Variants in CAB39 observed in about 807,000 individuals in gnomAD.
The protein encoded by CAB39 is calcium binding protein 39.
In CAB39, 8 loss-of-function variants were observed where a neutral mutation model predicts 40.0. The observed-to-expected ratio is 0.20, with a 90% CI of 0.12 to 0.36. CAB39 has a LOEUF of 0.36. CAB39 is among the 10% of genes least tolerant of loss of function. The pLI, the probability that CAB39 is intolerant of heterozygous loss-of-function variation, is 1.00. For synonymous variants in CAB39, 156 were observed against 141.6 expected, an observed-to-expected ratio of 1.10 and a Z score of -0.72; for missense variants, 270 against 401.1, an observed-to-expected ratio of 0.67 and a Z score of 2.79.
chr2:230,721,167 G>T (rs999166582), intron 1 of CAB39, among the ~76,000 whole-genome samples: 1 of 152,104 alleles, frequency 6.6e-6, no homozygotes, highest in Admixed American at 6.5e-5. Context: ...ATGGTGGCTC[G>T]TGCCTGTAAT....
intron 2 of CAB39, among the ~76,000 whole-genome samples, chr2:230,776,467 A>T (rs138386515): frequency 1.4e-3 from 211 of 152,318 alleles, no homozygotes; most frequent in African/African-American, 4.8e-3. Context: ...ATATAGCTCT[A>T]TGCAATTGCA....
At chr2:230,767,480 T>G (rs1389483232) in intron 2 of CAB39, among the ~76,000 whole-genome samples, 5 of 152,172 alleles carry the variant, frequency 3.3e-5, no homozygotes, top group Admixed American at 6.5e-5. Flanking sequence ...TTTCAAAACA[T>G]GAGTCAAATA....
intron 1 of CAB39, among the ~76,000 whole-genome samples, chr2:230,728,377 T>C (rs944358497): frequency 6.6e-6 from 1 of 152,018 alleles, no homozygotes; most frequent in African/African-American, 2.4e-5. Flanking sequence ...TTTTTTTTTT[T>C]CCTGCTCACT....
At chr2:230,798,411 G>A (rs982718480) in intron 4 of CAB39, among the ~76,000 whole-genome samples, 1 of 152,144 alleles carries the variant, frequency 6.6e-6, no homozygotes, top group African/African-American at 2.4e-5. Context: ...CCCCTGTATG[G>A]AGTGGTATGA....
chr2:230,766,902 T>C (rs1695394949), intron 2 of CAB39, among the ~76,000 whole-genome samples: 1 of 152,186 alleles, frequency 6.6e-6, no homozygotes. Flanking sequence ...CTAGAAAATG[T>C]AATTTTACAA....
chr2:230,792,645 A>G (rs922995867), intron 3 of CAB39, among the ~76,000 whole-genome samples: 16 of 152,218 alleles, frequency 1.1e-4, no homozygotes, highest in Admixed American at 1.0e-3. Flanking sequence ...GTATCATGTG[A>G]TACTTAGTAC....
intron 1 of CAB39, among the ~76,000 whole-genome samples, chr2:230,748,831 A>ACATATATATAT (rs1553669220): frequency 3.5e-5 from 1 of 28,512 alleles, no homozygotes; most frequent in Non-Finnish European, 6.3e-5. Flanking sequence ...AAAAAAAAAA[A>ACATATATATAT]ATATATATAT....
At chr2:230,744,234 A>G (rs544876932) in intron 1 of CAB39, among the ~76,000 whole-genome samples, 2 of 151,782 alleles carry the variant, frequency 1.3e-5, no homozygotes, top group East Asian at 3.9e-4. Flanking sequence ...ATACATTCTT[A>G]ACTTCGAAGA....
intron 1 of CAB39, among the ~76,000 whole-genome samples, chr2:230,735,230 A>G (rs1222855804): frequency 2.0e-5 from 3 of 151,958 alleles, no homozygotes; most frequent in Non-Finnish European, 4.4e-5. Context: ...GCAGTGGTGC[A>G]GTCTCGGCTC....
At chr2:230,788,405 A>AT (rs988282117) in intron 2 of CAB39, among the ~76,000 whole-genome samples, 3 of 152,012 alleles carry the variant, frequency 2.0e-5, no homozygotes, top group Non-Finnish European at 2.9e-5. Context: ...TTGTTGCCGT[A>AT]TTTTTTGTTC....
At chr2:230,770,599 GA>G (rs1194168472) in intron 2 of CAB39, among the ~76,000 whole-genome samples, 1 of 152,162 alleles carries the variant, frequency 6.6e-6, no homozygotes, top group African/African-American at 2.4e-5. Flanking sequence ...TGTGAGGTCA[GA>G]ATTATAATCA....
rs1408052300 is a variant in CAB39 at position 230,782,809 on chromosome 2, C to CTTTTTTTTTTTTTTTTT, written c.115-8060_115-8059insTTTTTTTTTTTTTTTTT. Among the ~76,000 whole-genome samples, 89 of 112,388 alleles carry CTTTTTTTTTTTTTTTTT rather than the reference C, an allele frequency of 7.9e-4. 2 individuals carry two copies. Among genetic ancestry groups the CTTTTTTTTTTTTTTTTT allele is most frequent in the African/African-American group, 1.7e-3 (36 of 21,040 alleles). The allele number at this position is 112,388 out of a possible 152,430, so 73.7% of individuals were successfully genotyped here. The stretch of plus-strand genomic sequence containing the variant: ...CTGCTGTTTCTTTCTTTCTTTCTTT[C>CTTTTTTTTTTTTTTTTT]TTTCTTTTTTTTTTTTTTTTTTTGA... On this transcript the variant is annotated intron_variant, in intron 2 of 8. Coordinates refer to ENST00000258418, the MANE Select transcript of CAB39 (RefSeq NM_016289.4).
intron 2 of CAB39, among the ~76,000 whole-genome samples, chr2:230,770,574 A>G (rs1349539436): frequency 6.6e-6 from 1 of 152,224 alleles, no homozygotes; most frequent in Non-Finnish European, 1.5e-5. Context: ...AAGAGAAATC[A>G]TTCTTAACTC....
At chr2:230,783,212 T>G (rs1695724618) in intron 2 of CAB39, among the ~76,000 whole-genome samples, 1 of 152,220 alleles carries the variant, frequency 6.6e-6, no homozygotes, top group Non-Finnish European at 1.5e-5. Flanking sequence ...CACTATGAGC[T>G]GTGTGTGCAC....
intron 2 of CAB39, among the ~76,000 whole-genome samples, chr2:230,787,029 A>G (rs1326919439): frequency 6.6e-6 from 1 of 152,232 alleles, no homozygotes; most frequent in Non-Finnish European, 1.5e-5. Flanking sequence ...GGGGATTATT[A>G]GGAGGATGAC....
At chr2:230,743,081 C>G (rs1159349224) in intron 1 of CAB39, among the ~76,000 whole-genome samples, 1 of 152,192 alleles carries the variant, frequency 6.6e-6, no homozygotes, top group Admixed American at 6.5e-5. Context: ...TTATGAATAG[C>G]TTTCTAAGGT....
chr2:230,756,392 C>A (rs1172584571), intron 1 of CAB39, among the ~76,000 whole-genome samples: 2 of 152,174 alleles, frequency 1.3e-5, no homozygotes, highest in Non-Finnish European at 2.9e-5. Context: ...GTTATGGGAC[C>A]ACTGTCATAT....
At chr2:230,741,902 TA>T (rs905309250) in intron 1 of CAB39, among the ~76,000 whole-genome samples, 2 of 152,214 alleles carry the variant, frequency 1.3e-5, no homozygotes, top group African/African-American at 4.8e-5. Flanking sequence ...TTTGTTGATT[TA>T]TTTTTTTGTC....
chr2:230,799,973 A>G (rs1457262297), intron 5 of CAB39, among the ~76,000 whole-genome samples: 1 of 151,762 alleles, frequency 6.6e-6, no homozygotes, highest in African/African-American at 2.4e-5. Context: ...CCTGGGCAAC[A>G]AAAGCGAAAC....
Sources: allele counts gnomAD v4.1 joint callset (sites outside exome capture counted in the v4.1 genomes callset), GRCh38; gene constraint gnomAD v4.1.1; transcripts MANE v1.5; gene names NCBI Gene and HGNC (gene_info 2026-07-23, HGNC 2026-07-21).